The following UGGT2 variants were observed in gnomAD, a reference collection of about 807,000 sequenced individuals.
UGGT2 encodes the protein UDP-glucose glycoprotein glucosyltransferase 2, also known as UDP-glucose:glycoprotein glucosyltransferase 2.
A neutral mutation model predicts 192.1 loss-of-function variants in UGGT2; 180 were observed. That is an observed-to-expected ratio of 0.94 (90% CI 0.83 to 1.06). The LOEUF (loss-of-function observed/expected upper bound fraction) is 1.06, where lower values mean the gene tolerates loss of function less well. Among genes scored for constraint, UGGT2 ranks in the 50% least tolerant of loss-of-function variants. The pLI, the probability that UGGT2 is intolerant of heterozygous loss-of-function variation, is 0.00. For missense variants in UGGT2, 1,849 were observed against 1,795.7 expected (o/e 1.03, Z -0.54); for synonymous variants, 580 against 591.0 (o/e 0.98, Z 0.27).
chr13:95,812,171 A>T (rs1166459860), intron 38 of UGGT2, among the ~76,000 whole-genome samples: 1 of 152,234 alleles, frequency 6.6e-6, no homozygotes, highest in Non-Finnish European at 1.5e-5. Context: ...TACATGAATG[A>T]ATGAGCAAAT....
chr13:95,981,518 C>A (rs886174661), intron 10 of UGGT2, among the ~76,000 whole-genome samples: 1 of 151,972 alleles, frequency 6.6e-6, no homozygotes, highest in Non-Finnish European at 1.5e-5. Flanking sequence ...AGTCCCAGAC[C>A]CAGAGGAAAA....
At chr13:95,932,076 T>C (rs560722932) in intron 17 of UGGT2, among the ~76,000 whole-genome samples, 1 of 152,340 alleles carries the variant, frequency 6.6e-6, no homozygotes, top group South Asian at 2.1e-4. Context: ...AATTTTAGAA[T>C]AGTATTTTCC....
chr13:95,919,777 GC>G (rs2048790906), intron 20 of UGGT2, among the ~76,000 whole-genome samples: 1 of 152,072 alleles, frequency 6.6e-6, no homozygotes, highest in Non-Finnish European at 1.5e-5. Flanking sequence ...TGGCCATACT[GC>G]CCTAAGTAAT....
intron 37 of UGGT2, among the ~76,000 whole-genome samples, chr13:95,836,306 T>A (rs1206265102): frequency 6.6e-6 from 1 of 152,216 alleles, no homozygotes; most frequent in Non-Finnish European, 1.5e-5. Context: ...TGCCTCGGCC[T>A]CTTAAAGTGC....
In UGGT2 at chr13:95,837,208, G is replaced by A. The variant is rs1887385645; in HGVS notation, c.4285-6C>T. On this transcript the variant is annotated splice_polypyrimidine_tract_variant and splice_region_variant and intron_variant, in intron 36 of 38. Transcript: ENST00000376747. ...ATCATATTATTGGGGAGATCCTACA[G>A]AAAATTGTGATTTAATCATAGACGT... 1.9e-6 allele frequency: 3 copies of A among 1,591,208 alleles called. No individual in the cohort carries two copies. The African/African-American group carries it at 4.0e-5, about 21-fold the overall frequency.
intron 1 of UGGT2, among the ~76,000 whole-genome samples, chr13:96,043,306 C>CA (rs1178008486): frequency 5.9e-5 from 9 of 152,002 alleles, no homozygotes; most frequent in Non-Finnish European, 1.0e-4. Flanking sequence ...CTTTTCCAGA[C>CA]AAAAAAATGC....
At position 95,999,207 on chromosome 13, in the gene UGGT2, T is replaced by C; in HGVS notation, c.757+4A>G. The C allele has an allele frequency of 6.2e-7, 1 of 1,612,324 alleles. No individual in the cohort carries two copies. Among genetic ancestry groups the C allele is most frequent in the South Asian group, 1.1e-5 (1 of 90,948 alleles). On this transcript the variant is annotated splice_donor_region_variant and intron_variant, in intron 6 of 38. Coordinates refer to ENST00000376747, the MANE Select transcript of UGGT2 (RefSeq NM_020121.4). ...CTACTCAAGTACTGAGATAGAGAAC[T>C]TACTTTTAACTTGGGTATCATCCAG...
chr13:95,886,163 C>G (rs2047641767), intron 26 of UGGT2, among the ~76,000 whole-genome samples: 1 of 152,076 alleles, frequency 6.6e-6, no homozygotes, highest in South Asian at 2.1e-4. Context: ...TCATTCCTTC[C>G]CTACAATACA....
At chr13:95,909,747 T>TATAATG (rs2048417319) in intron 20 of UGGT2, among the ~76,000 whole-genome samples, 1 of 109,388 alleles carries the variant, frequency 9.1e-6, no homozygotes, top group Non-Finnish European at 1.7e-5. Flanking sequence ...AAACTTGAAG[T>TATAATG]ATAATAATAA....
chr13:96,011,386 A>G lies in UGGT2; in HGVS notation c.660+1921T>C, dbSNP rs2052157257. On this transcript the variant is annotated intron_variant, in intron 5 of 38. Transcript: ENST00000376747. ...ACATAAAAAGAATTCTGAAAACTAA[A>G]CAAAAAAAGTTCACCAAAAAGAAAC... Among the ~76,000 whole-genome samples the G allele has an allele frequency of 2.0e-5, 3 of 152,056 alleles. No homozygotes were observed. In the South Asian group the frequency reaches 6.2e-4, roughly 31 times the overall value.
chr13:95,841,166 C>T (rs1250723827), intron 36 of UGGT2, among the ~76,000 whole-genome samples: 3 of 152,040 alleles, frequency 2.0e-5, no homozygotes, highest in South Asian at 4.1e-4. Context: ...TGTATACCTA[C>T]GTAACAAACC....
chr13:95,819,749 A>C (rs1278118106), intron 38 of UGGT2, among the ~76,000 whole-genome samples: 3 of 152,252 alleles, frequency 2.0e-5, no homozygotes. Flanking sequence ...ACATAGGAAA[A>C]CATCAGTCTT....
intron 13 of UGGT2, 146 bp from the exon 14 acceptor site, chr13:95,948,227 A>AC (rs893251942): frequency 4.5e-6 from 2 of 442,392 alleles, no homozygotes; most frequent in African/African-American, 4.0e-5. Flanking sequence ...ATACACACAC[A>AC]CACACACACA....
chr13:95,835,230 A>G (rs1887158932), intron 37 of UGGT2, among the ~76,000 whole-genome samples: 1 of 152,202 alleles, frequency 6.6e-6, no homozygotes, highest in Non-Finnish European at 1.5e-5. Context: ...ACAGGTGGAC[A>G]AAAAGTACTC....
Position 95,893,680 on chromosome 13 carries a change from G to A in UGGT2, c.2855+882C>T, listed in dbSNP as rs142781660. The stretch of plus-strand genomic sequence containing the variant: ...GAATGCTCTTTGACAGACAAAAAAT[G>A]GTATTTCTAGAGAAAATTACTAAAG... On this transcript the variant is annotated intron_variant, in intron 24 of 38. Transcript: ENST00000376747. Among the ~76,000 whole-genome samples, 9 of 152,196 alleles carry A rather than the reference G, an allele frequency of 5.9e-5. No homozygotes were observed. The East Asian group carries it at 1.5e-3, about 26-fold the overall frequency.
Position 95,937,091 on chromosome 13 carries a change from A to G in UGGT2, c.1813-3T>C, listed in dbSNP as rs1450447706. 7 of 1,581,778 alleles carry G rather than the reference A, an allele frequency of 4.4e-6. No individual in the cohort carries two copies. The highest frequency in any genetic ancestry group is 6.0e-6 in the Non-Finnish European group (7 of 1,172,306). ...ATCTTATAAAAGCTTGCTCCAGCCT[A>G]TTCAGTTAAAAAATATCAGAGTGTT... On this transcript the variant is annotated splice_polypyrimidine_tract_variant and splice_region_variant and intron_variant, in intron 16 of 38. Transcript: ENST00000376747.
intron 25 of UGGT2, among the ~76,000 whole-genome samples, chr13:95,888,760 T>G (rs1243098005): frequency 6.6e-6 from 1 of 152,178 alleles, no homozygotes; most frequent in East Asian, 1.9e-4. Context: ...AGTATGCTAT[T>G]ATTACCAATG....
At chr13:95,989,392 G>C (rs1324806275) in intron 8 of UGGT2, 3 of 169,208 alleles carry the variant, frequency 1.8e-5, no homozygotes, top group African/African-American at 7.2e-5. Flanking sequence ...ATGTCCCCAT[G>C]ACCTACTAAA....
At chr13:96,049,548 G>T (rs556081906) in intron 1 of UGGT2, among the ~76,000 whole-genome samples, 3 of 152,164 alleles carry the variant, frequency 2.0e-5, no homozygotes, top group Admixed American at 1.3e-4. Flanking sequence ...TGTCCCTGTT[G>T]GCAGATGATA....
Sources: allele counts gnomAD v4.1 joint callset (sites outside exome capture counted in the v4.1 genomes callset), GRCh38; gene constraint gnomAD v4.1.1; transcripts MANE v1.5; gene names NCBI Gene and HGNC (gene_info 2026-07-23, HGNC 2026-07-21).